CSRNP2: variants seen among roughly 807,000 people sequenced by gnomAD.
CSRNP2 encodes the protein cysteine/serine-rich nuclear protein 2.
CSRNP2 carries 11 observed loss-of-function variants against 36.6 expected under a neutral mutation model. The ratio of observed to expected loss-of-function variants is 0.30; its 90% CI spans 0.19 to 0.50. The LOEUF (loss-of-function observed/expected upper bound fraction) is 0.50. Among genes scored for constraint, CSRNP2 ranks in the 20% least tolerant of loss-of-function variants. CSRNP2 has a pLI of 0.98. For missense variants in CSRNP2, 483 were observed against 691.4 expected, an observed-to-expected ratio of 0.70 and a Z score of 3.38; for synonymous variants, 248 against 275.3, an observed-to-expected ratio of 0.90 and a Z score of 0.98.
chr12:51,069,849 C>T (rs531725030), intron 3 of CSRNP2, among the ~76,000 whole-genome samples: 79 of 151,904 alleles, frequency 5.2e-4, no homozygotes, highest in African/African-American at 1.9e-3. Context: ...CCTGCCACCA[C>T]GCCTCGCTAA....
intron 3 of CSRNP2, among the ~76,000 whole-genome samples, chr12:51,071,701 C>T (rs1285746406): frequency 6.6e-6 from 1 of 152,212 alleles, no homozygotes; most frequent in Non-Finnish European, 1.5e-5. Flanking sequence ...TGCCTGGCTT[C>T]GTCCCTAGAA....
At chr12:51,079,311 G>A (rs1043951589) in intron 1 of CSRNP2, among the ~76,000 whole-genome samples, 1 of 151,174 alleles carries the variant, frequency 6.6e-6, no homozygotes, top group African/African-American at 2.4e-5. Context: ...GTATACATAT[G>A]TAACAAACCT....
At chr12:51,072,871 C>G (rs1939243111) in intron 3 of CSRNP2, among the ~76,000 whole-genome samples, 1 of 152,058 alleles carries the variant, frequency 6.6e-6, no homozygotes, top group Non-Finnish European at 1.5e-5. Context: ...TCCTTGAGTT[C>G]CAGGGTGACA....
intron 1 of CSRNP2, among the ~76,000 whole-genome samples, chr12:51,081,175 C>T (rs1432810455): frequency 1.3e-5 from 2 of 152,104 alleles, no homozygotes; most frequent in Non-Finnish European, 2.9e-5. Flanking sequence ...GTCGTCTCAG[C>T]TACTTGGGAG....
intron 1 of CSRNP2, among the ~76,000 whole-genome samples, chr12:51,078,223 C>T (rs1939471154): frequency 6.6e-6 from 1 of 152,194 alleles, no homozygotes; most frequent in Admixed American, 6.6e-5. Context: ...AATTTGCCTG[C>T]TCTTGGATCA....
intron 2 of CSRNP2, among the ~76,000 whole-genome samples, chr12:51,075,028 G>A (rs1939339275): frequency 6.6e-6 from 1 of 152,168 alleles, no homozygotes; most frequent in African/African-American, 2.4e-5. Context: ...TTGTGCCACT[G>A]CACTTCAGCC....
intron 1 of CSRNP2, among the ~76,000 whole-genome samples, chr12:51,081,027 C>A (rs1939619213): frequency 6.6e-6 from 1 of 152,172 alleles, no homozygotes; most frequent in African/African-American, 2.4e-5. Flanking sequence ...GTGGCACATG[C>A]CTGTAATCCT....
chr12:51,073,802 G>C, intron 3 of CSRNP2, 21 bp downstream of exon 3: 1 of 1,604,144 alleles, frequency 6.2e-7, no homozygotes. Flanking sequence ...GACAGCAGTA[G>C]ATCCCAGAAC....
At chr12:51,065,619 G>A (rs367879462) in intron 4 of CSRNP2, among the ~76,000 whole-genome samples, 10 of 151,968 alleles carry the variant, frequency 6.6e-5, no homozygotes, top group South Asian at 2.1e-4. Context: ...CACCGCGCCC[G>A]GCCCTAATTT....
chr12:51,069,265 G>A lies in CSRNP2; in HGVS notation c.412-1296C>T, dbSNP rs540771217. 5.3e-5 allele frequency among the ~76,000 whole-genome samples: 8 copies of A among 149,664 alleles called. No homozygotes were observed. In the South Asian group the frequency reaches 8.4e-4, roughly 16 times the overall value. On this transcript the variant is annotated intron_variant, in intron 3 of 4. Coordinates refer to ENST00000228515, the MANE Select transcript of CSRNP2 (RefSeq NM_030809.3). ...GATGGGATTACAGGCATGAGCCACCGTGCCCGGCTTCCTTCTCCTTTCTTT... is the reference window on the plus strand; with the variant it reads ...GATGGGATTACAGGCATGAGCCACCATGCCCGGCTTCCTTCTCCTTTCTTT...
rs146583781 is a variant in CSRNP2, at chr12:51,066,114, G to A, written c.709-1445C>T. Among the ~76,000 whole-genome samples, 926 of 152,058 alleles carry A rather than the reference G, an allele frequency of 6.1e-3. 7 individuals carry two copies. Among genetic ancestry groups the A allele is most frequent in the African/African-American group, 0.02 (812 of 41,472 alleles). On this transcript the variant is annotated intron_variant, in intron 4 of 4. Coordinates refer to ENST00000228515, the MANE Select transcript of CSRNP2 (RefSeq NM_030809.3). ...GCAGGCAGATCACCTGAGGTCAGGC[G>A]TTTGAGACCTGCCCGGCCAACATGA... is the stretch of plus-strand genomic sequence containing the variant.
Position 51,067,960 on chromosome 12 carries a change from T to C in CSRNP2, c.421A>G (p.Asn141Asp). 3 of 1,613,256 alleles carry C rather than the reference T, an allele frequency of 1.9e-6. No individual in the cohort carries two copies. Among genetic ancestry groups the C allele is most frequent in the Middle Eastern group, 1.6e-4 (1 of 6,062 alleles). Reference sequence around the variant, plus strand: ...GCCTCCACCGACTCCACTGTCCCATTCTTGGTCAGCTGCCAAGAGACAGGA... The same window carrying C: ...GCCTCCACCGACTCCACTGTCCCATCCTTGGTCAGCTGCCAAGAGACAGGA... ...LHAKKMKLTK[N>D]GTVESVEADG... Residue 141 changes from asparagine to aspartate, a missense_variant, in exon 4 of 5, where the codon AAT (asparagine) becomes GAT (aspartate). Around this residue, in one of 2 missense-constraint regions of CSRNP2, gnomAD observed 206 missense variants for 367.8 expected, o/e 0.56. Transcript: ENST00000228515. This position sits in a 1 kb window ranked among gnomAD's most constrained non-coding sequence, Gnocchi z 4.1.
At chr12:51,071,495 T>C (rs948579117) in intron 3 of CSRNP2, among the ~76,000 whole-genome samples, 3 of 151,674 alleles carry the variant, frequency 2.0e-5, no homozygotes, top group Admixed American at 6.6e-5. Context: ...CCTGGTGCAG[T>C]GGCCCACACC....
chr12:51,069,000 G>A (rs2136878287), intron 3 of CSRNP2, among the ~76,000 whole-genome samples: 1 of 152,180 alleles, frequency 6.6e-6, no homozygotes, highest in South Asian at 2.1e-4. Flanking sequence ...TTTTGAGACG[G>A]AGTCTCGCTC....
At chr12:51,070,928 G>A (rs1004064103) in intron 3 of CSRNP2, among the ~76,000 whole-genome samples, 1 of 151,930 alleles carries the variant, frequency 6.6e-6, no homozygotes, top group Non-Finnish European at 1.5e-5. Flanking sequence ...TTAAGACCAG[G>A]AGTTCGAGAC....
intron 3 of CSRNP2, among the ~76,000 whole-genome samples, chr12:51,069,284 TTTC>T (rs1340194420): frequency 4.5e-4 from 61 of 135,840 alleles, no homozygotes; most frequent in East Asian, 2.5e-3. Flanking sequence ...TTCCTTCTCC[TTTC>T]TTTTTTTTTT....
intron 1 of CSRNP2, among the ~76,000 whole-genome samples, chr12:51,080,964 G>C (rs1396593014): frequency 6.6e-6 from 1 of 152,104 alleles, no homozygotes; most frequent in Non-Finnish European, 1.5e-5. Context: ...AAACCAACTT[G>C]GCCAACATAG....
At chr12:51,080,142 AGGCAGGCAGGCAGGCAGGCAGG>A (rs1372596077) in intron 1 of CSRNP2, among the ~76,000 whole-genome samples, 2 of 2,788 alleles carry the variant, frequency 7.2e-4, no homozygotes, top group South Asian at 0.021. Context: ...GCAGGCAGGC[AGGCAGGCAGGCAGGCAGGCAGG>A]CAGGCAGGCA....
At chr12:51,073,594 CACACCTGT>C (rs1939274530) in intron 3 of CSRNP2, among the ~76,000 whole-genome samples, 2 of 151,510 alleles carry the variant, frequency 1.3e-5, no homozygotes, top group Admixed American at 6.6e-5. Context: ...AAGACGGATG[CACACCTGT>C]AATCCCAACT....
Sources: allele counts gnomAD v4.1 joint callset (sites outside exome capture counted in the v4.1 genomes callset), GRCh38; gene constraint gnomAD v4.1.1; regional missense constraint gnomAD v4.1.1; non-coding constraint Gnocchi (gnomAD v3.1); transcripts MANE v1.5; gene names NCBI Gene and HGNC (gene_info 2026-07-23, HGNC 2026-07-21).